NBAS: variants seen among roughly 807,000 people sequenced by gnomAD.
The protein encoded by NBAS is NAG/BC035112 fusion.
Under a neutral mutation model 302.5 loss-of-function variants are expected in NBAS, and 219 were observed. That is an observed-to-expected ratio of 0.72 (90% confidence interval 0.65 to 0.81). The LOEUF (loss-of-function observed/expected upper bound fraction) is 0.81. NBAS is among the 30% of genes least tolerant of loss of function. The probability of loss-of-function intolerance (pLI) is 0.00; values close to 1 mark genes in which losing one functional copy is unlikely to be tolerated. For synonymous variants in NBAS, 1,118 were observed against 1,021.6 expected, an observed-to-expected ratio of 1.09 and a Z score of -1.80; for missense variants, 2,932 against 2,841.6, an observed-to-expected ratio of 1.03 and a Z score of -0.72.
At chr2:15,387,082 A>ATT (rs1372373123) in intron 28 of NBAS, among the ~76,000 whole-genome samples, 10 of 93,122 alleles carry the variant, frequency 1.1e-4, no homozygotes, top group Admixed American at 2.3e-4. Flanking sequence ...ATAAAGTATT[A>ATT]ATTTTTTTTT....
intron 21 of NBAS, among the ~76,000 whole-genome samples, chr2:15,447,387 T>A (rs528760999): frequency 9.2e-5 from 14 of 152,314 alleles, no homozygotes; most frequent in African/African-American, 3.1e-4. Flanking sequence ...GGAAAGACAG[T>A]TCTTTATGTT....
chr2:15,345,271 C>T (rs1350182106), intron 35 of NBAS, among the ~76,000 whole-genome samples: 3 of 152,128 alleles, frequency 2.0e-5, no homozygotes, highest in Non-Finnish European at 4.4e-5. Flanking sequence ...ATTATCTCAG[C>T]CCCAAAACTC....
At chr2:15,003,941 C>T in the NBAS span, among the ~76,000 whole-genome samples, 21 of 152,270 alleles carry the variant, frequency 1.4e-4, no homozygotes, top group Middle Eastern at 3.4e-3. Flanking sequence ...TCTAGTGACT[C>T]GTGCAAGATA....
intron 22 of NBAS, among the ~76,000 whole-genome samples, chr2:15,426,955 T>C (rs763650391): frequency 6.6e-6 from 1 of 152,114 alleles, no homozygotes; most frequent in African/African-American, 2.4e-5. Flanking sequence ...AAACTTCTAC[T>C]TGGGGAATAT....
At chr2:15,496,129 A>C (rs1238851223) in intron 11 of NBAS, among the ~76,000 whole-genome samples, 2 of 130,590 alleles carry the variant, frequency 1.5e-5, no homozygotes, top group African/African-American at 5.6e-5. Context: ...CACACACACA[A>C]TGGGCTATTA....
At chr2:14,861,214 C>T in the NBAS span, among the ~76,000 whole-genome samples, 4 of 152,160 alleles carry the variant, frequency 2.6e-5, no homozygotes, top group Non-Finnish European at 4.4e-5. Context: ...TACAGATGTA[C>T]AATGAATCTA....
At chr2:15,014,177 G>C in the NBAS span, among the ~76,000 whole-genome samples, 5 of 152,152 alleles carry the variant, frequency 3.3e-5, no homozygotes, top group Admixed American at 2.6e-4. Context: ...TCTAAAAGGA[G>C]AGATAGACAC....
At chr2:15,304,215 C>G (rs1353154433) in intron 40 of NBAS, among the ~76,000 whole-genome samples, 1 of 152,164 alleles carries the variant, frequency 6.6e-6, no homozygotes, top group South Asian at 2.1e-4. Flanking sequence ...TGAGTGAGTT[C>G]TCACAACATC....
chr2:15,290,902 G>T (rs1056833120), intron 41 of NBAS, among the ~76,000 whole-genome samples: 1 of 152,152 alleles, frequency 6.6e-6, no homozygotes, highest in South Asian at 2.1e-4. Context: ...TGTAGAAGAA[G>T]AATTTGGGGT....
chr2:15,089,278 G>GC, the NBAS span, among the ~76,000 whole-genome samples: 1 of 152,054 alleles, frequency 6.6e-6, no homozygotes, highest in Admixed American at 6.6e-5. Flanking sequence ...ACCGCACCTA[G>GC]CCCCCTTCAG....
chr2:15,229,226 C>T (rs934408578), intron 47 of NBAS, among the ~76,000 whole-genome samples: 11 of 151,242 alleles, frequency 7.3e-5, no homozygotes, highest in South Asian at 2.1e-4. Context: ...CCTGTAATCC[C>T]GGCTACTCGG....
At chr2:14,966,091 G>T in the NBAS span, among the ~76,000 whole-genome samples, 1 of 152,140 alleles carries the variant, frequency 6.6e-6, no homozygotes, top group African/African-American at 2.4e-5. Flanking sequence ...GAACACCAAG[G>T]GTTGCTGGCA....
the NBAS span, among the ~76,000 whole-genome samples, chr2:14,828,952 T>C: frequency 2.6e-5 from 4 of 152,120 alleles, no homozygotes; most frequent in Non-Finnish European, 2.9e-5. Context: ...TAGAAACAGA[T>C]TGCTTTTGTG....
At chr2:15,309,579 T>C (rs1310434600) in intron 38 of NBAS, among the ~76,000 whole-genome samples, 1 of 152,162 alleles carries the variant, frequency 6.6e-6, no homozygotes, top group Non-Finnish European at 1.5e-5. Flanking sequence ...TGCTGCAAAA[T>C]TGTGTATCAA....
chr2:14,793,389 C>T, the NBAS span, among the ~76,000 whole-genome samples: 2 of 151,870 alleles, frequency 1.3e-5, no homozygotes, highest in African/African-American at 2.4e-5. Context: ...TAAAAATAAT[C>T]AAATGAATAA....
At chr2:15,235,122 A>G (rs1255610891) in intron 45 of NBAS, among the ~76,000 whole-genome samples, 2 of 152,230 alleles carry the variant, frequency 1.3e-5, no homozygotes, top group Non-Finnish European at 2.9e-5. Context: ...CTTTTCTATT[A>G]TTACTAACGC....
intron 35 of NBAS, among the ~76,000 whole-genome samples, chr2:15,338,583 G>A (rs930069937): frequency 6.6e-6 from 1 of 151,840 alleles, no homozygotes; most frequent in Non-Finnish European, 1.5e-5. Context: ...AGGGACCATG[G>A]ACTCCTGTAC....
At chr2:14,782,256 G>A in the NBAS span, among the ~76,000 whole-genome samples, 1 of 151,894 alleles carries the variant, frequency 6.6e-6, no homozygotes, top group Non-Finnish European at 1.5e-5. Flanking sequence ...ATTAGAACTT[G>A]TTCTTAAAAC....
chr2:15,250,691 C>T (rs898417758), intron 44 of NBAS, among the ~76,000 whole-genome samples: 1 of 152,094 alleles, frequency 6.6e-6, no homozygotes, highest in Non-Finnish European at 1.5e-5. Flanking sequence ...TTTATGCGGC[C>T]AACAAGCATA....
Sources: gnomAD v4.1 joint callset for allele counts (sites outside exome capture counted in the v4.1 genomes callset) on GRCh38, gnomAD v4.1.1 for gene constraint, MANE v1.5 for transcripts, NCBI Gene and HGNC (gene_info 2026-07-23, HGNC 2026-07-21) for gene names.